The following ATP2B3 variants were observed in gnomAD, a reference collection of about 807,000 sequenced individuals.
The protein encoded by ATP2B3 is ATPase plasma membrane Ca2+ transporting 3, also known as plasma membrane calcium-transporting ATPase 3.
In ATP2B3, 12 loss-of-function variants were observed where a neutral mutation model predicts 70.8. That is an observed-to-expected ratio of 0.17 (90% CI 0.11 to 0.27). ATP2B3 has a LOEUF of 0.27. ATP2B3 is among the 10% of genes least tolerant of loss of function. The probability of loss-of-function intolerance (pLI) is 1.00; values close to 1 mark genes in which losing one functional copy is unlikely to be tolerated. For missense variants in ATP2B3, 858 were observed against 1,118.5 expected (o/e 0.77, Z 3.32); for synonymous variants, 460 against 497.8 (o/e 0.92, Z 1.01).
chrX:153,551,484 C>T (rs1476994659), intron 12 of ATP2B3, among the ~76,000 whole-genome samples: 3 of 111,901 alleles, frequency 2.7e-5, no homozygotes, highest in Non-Finnish European at 3.8e-5. Context: ...ATCAGCTATG[C>T]GATTTCTACA....
rs782317695 is a variant in ATP2B3, at chrX:153,535,526, T to C, written c.-126-596T>C. Among the ~76,000 whole-genome samples the C allele has an allele frequency of 6.9e-5, 7 of 100,895 alleles. No homozygotes were observed. In the South Asian group the frequency reaches 3.6e-3, roughly 52 times the overall value. 87.6% of individuals were successfully genotyped at this position (100,895 alleles called of 115,157 possible). ...CGTCTTGTCCCTCTCTCCCCTCCCC[T>C]GTTTCCCACCCTTCCTCCGGGCCTC... On this transcript the variant is annotated intron_variant, in intron 2 of 21. Coordinates refer to ENST00000263519, the MANE Select transcript of ATP2B3 (RefSeq NM_001001344.3).
At chrX:153,552,862 A>T (rs1603081581) in intron 12 of ATP2B3, among the ~76,000 whole-genome samples, 173 bp from the exon 13 acceptor site, 2 of 110,860 alleles carry the variant, frequency 1.8e-5, no homozygotes, top group Non-Finnish European at 3.8e-5. Context: ...ACCCTCTCTA[A>T]TCTCTGCCTG....
rs184005547 is a variant in ATP2B3, at chrX:153,542,488, G to A, written c.790+40G>A. On this transcript the variant is annotated intron_variant, in intron 6 of 21. Transcript: ENST00000263519. ...CCGGGCCAGCCTGGCACCAAGGGGC[G>A]TCAGCAGCCGTGTGGCCCAGCATCC... 650 of 1,196,736 alleles carry A rather than the reference G, an allele frequency of 5.4e-4. 1 individual carries two copies. The African/African-American group carries it at 9.1e-3, about 17-fold the overall frequency.
At chrX:153,538,366 T>C (rs1380661919) in intron 3 of ATP2B3, among the ~76,000 whole-genome samples, 1 of 112,948 alleles carries the variant, frequency 8.9e-6, no homozygotes, top group East Asian at 2.8e-4. Flanking sequence ...GCATAGTGCA[T>C]TGCGGGAAGG....
intron 1 of ATP2B3, among the ~76,000 whole-genome samples, 172 bp from the exon 2 acceptor site, chrX:153,518,260 C>T (rs1405235075): frequency 1.8e-5 from 2 of 112,658 alleles, no homozygotes; most frequent in Admixed American, 9.2e-5. Context: ...CCCGGAGCCT[C>T]GGGCACCCCC....
chrX:153,549,460 C>T (rs1557010336), intron 10 of ATP2B3, 37 bp from the exon 11 acceptor site: 2 of 1,208,307 alleles, frequency 1.7e-6, no homozygotes, highest in Non-Finnish European at 1.1e-6. Context: ...CCCCAACAAG[C>T]ACCTGGGCCA....
rs781921894 is a variant in ATP2B3, at chrX:153,536,277, G to A, written c.30G>A (p.Glu10=). 40 of 1,197,615 alleles carry A rather than the reference G, an allele frequency of 3.3e-5. No homozygotes were observed. The African/African-American group carries it at 5.7e-4, about 17-fold the overall frequency. Residue 10 remains glutamate, a synonymous_variant, in exon 3 of 22, where the codon GAG becomes GAA. Coordinates refer to ENST00000263519, the MANE Select transcript of ATP2B3 (RefSeq NM_001001344.3). ...GCGACATGGCCAATAGTTCCATCGA[G>A]TTCCACCCCAAGCCCCAGCAGCAGC... The part of the protein sequence containing the change: MGDMANSSI[E]FHPKPQQQRD...
Position 153,556,207 on chromosome X carries a change from G to T in ATP2B3, c.2217G>T (p.Arg739=), listed in dbSNP as rs2090532048. Residue 739 remains arginine, a synonymous_variant, in exon 14 of 22, where the codon CGG becomes CGT. Coordinates refer to ENST00000263519, the MANE Select transcript of ATP2B3 (RefSeq NM_001001344.3). ...LCLEGKEFNR[R]IRNEKGEIEQ... Reference sequence around the variant, plus strand: ...TAGAAGGGAAGGAGTTCAACCGGCGGATCCGCAATGAGAAAGGCGAGGTAG... The same window carrying T: ...TAGAAGGGAAGGAGTTCAACCGGCGTATCCGCAATGAGAAAGGCGAGGTAG... 8.3e-7 allele frequency: 1 copy of T among 1,209,475 alleles called. No homozygotes were observed. Among genetic ancestry groups the T allele is most frequent in the Non-Finnish European group, 1.1e-6 (1 of 893,812 alleles).
chrX:153,569,158 C>T (rs183846450), intron 21 of ATP2B3: 152 of 360,206 alleles, frequency 4.2e-4, no homozygotes, highest in African/African-American at 3.3e-3. Context: ...CTGGCGGAGA[C>T]GGGCAGGCGG....
At position 153,582,833 on chromosome X, in the gene ATP2B3, T is replaced by A. The variant is rs1223562372; in HGVS notation, c.*2535T>A. 1 of 112,877 alleles carries A rather than the reference T, an allele frequency of 8.9e-6. No homozygotes were observed. The highest frequency in any genetic ancestry group is 1.9e-5 in the Non-Finnish European group (1 of 53,307). The allele number at this position is 112,877 out of a possible 1,213,427, so 9.3% of individuals were successfully genotyped here. ...AAAACTTAATGAGAAAGATCACAGA[T>A]ACGTAATAATTTAAAGTCTGTAGTT... is the stretch of plus-strand genomic sequence containing the variant. On this transcript the variant is annotated 3_prime_UTR_variant, in exon 22 of 22. Coordinates refer to ENST00000263519, the MANE Select transcript of ATP2B3 (RefSeq NM_001001344.3).
chrX:153,569,432 A>G (rs2090756237), intron 21 of ATP2B3: 3 of 560,416 alleles, frequency 5.4e-6, no homozygotes, highest in Admixed American at 5.3e-5. Flanking sequence ...GGCTGGCCTC[A>G]GTCAGGGCCC....
chrX:153,556,018 T>C (rs1287266589), intron 13 of ATP2B3, 31 bp from the exon 14 acceptor site: 1 of 1,209,689 alleles, frequency 8.3e-7, no homozygotes, highest in Non-Finnish European at 1.1e-6. Flanking sequence ...CTTGCCTCGA[T>C]GGCCCCGCCC....
intron 21 of ATP2B3, chrX:153,569,542 C>T: frequency 8.5e-7 from 1 of 1,172,165 alleles, no homozygotes; most frequent in Non-Finnish European, 1.2e-6. Flanking sequence ...CCCAGCCCTC[C>T]CCTCCGTGAT....
chrX:153,522,278 C>T (rs996289344), intron 2 of ATP2B3, among the ~76,000 whole-genome samples: 2 of 112,535 alleles, frequency 1.8e-5, no homozygotes, highest in Admixed American at 9.3e-5. Context: ...TCAGGGGAGA[C>T]GACGGAAAGC....
At chrX:153,547,265 G>A (rs2090383027) in intron 8 of ATP2B3, among the ~76,000 whole-genome samples, 1 of 110,631 alleles carries the variant, frequency 9.0e-6, no homozygotes, top group African/African-American at 3.3e-5. Flanking sequence ...CCACCATGTC[G>A]AGGGCAGCAA....
rs1557009405 is a variant in ATP2B3 at position 153,547,894 on chromosome X, G to T, written c.1018G>T (p.Gly340Trp). The T allele has an allele frequency of 1.7e-6, 2 of 1,211,250 alleles. No homozygotes were observed. The highest frequency in any genetic ancestry group is 2.2e-6 in the Non-Finnish European group (2 of 895,047). ...GCAGCCCCTGAAGAGCGCGGAGGGT[G>T]GGGAGATGGAGGAGCGGGAGAAGAA... is the stretch of plus-strand genomic sequence containing the variant. The part of the protein sequence containing the change: ...EMQPLKSAEG[G>W]EMEEREKKKA... The change falls in exon 9 of 22, where the codon GGG becomes TGG. Residue 340 changes from glycine (G) to tryptophan (W), a missense_variant. Physicochemically the swap from Gly to Trp is radical, Grantham distance 184. Coordinates refer to ENST00000263519, the MANE Select transcript of ATP2B3 (RefSeq NM_001001344.3).
rs372612153 is a variant in ATP2B3 at position 153,565,014 on chromosome X, G to A, written c.3253G>A (p.Glu1085Lys). The stretch of plus-strand genomic sequence containing the variant: ...CGAGATGACCGACGAGGAGCTGGCC[G>A]AAGGCGAGGAAGAGATCGACCATGC... ...KDEMTDEELA[E>K]GEEEIDHAER... The change falls in exon 21 of 22, where the codon GAA becomes AAA. Residue 1085 changes from glutamate (E) to lysine (K), a missense_variant. By Grantham distance (56) the Glu-to-Lys change is moderately conservative. Transcript: ENST00000263519. The A allele has an allele frequency of 3.3e-6, 4 of 1,199,387 alleles. No homozygotes were observed. In the Admixed American group the frequency reaches 6.7e-5, roughly 20 times the overall value.
chrX:153,565,396 C>A (rs2090690404), intron 21 of ATP2B3, among the ~76,000 whole-genome samples: 2 of 113,121 alleles, frequency 1.8e-5, no homozygotes, highest in Non-Finnish European at 3.7e-5. Flanking sequence ...GAGGCACAGG[C>A]CAGCACCGTC....
At position 153,580,282 on chromosome X, in the gene ATP2B3, T is replaced by C; in HGVS notation, c.3647T>C (p.Val1216Ala). The change falls in exon 22 of 22, where the codon GTG (valine) becomes GCG (alanine). Residue 1216 changes from valine to alanine, a missense_variant. Physicochemically the swap from Val to Ala is moderately conservative, Grantham distance 64. Coordinates refer to ENST00000263519, the MANE Select transcript of ATP2B3 (RefSeq NM_001001344.3). ...SSSPGSPLHSVETSL is the reference protein window; with the variant it reads ...SSSPGSPLHSAETSL ...AGTCCCGGGAGCCCGCTCCACAGCG[T>C]GGAGACGTCCCTCTAACAAGAACTT... 8.3e-7 allele frequency: 1 copy of C among 1,205,763 alleles called. No individual in the cohort carries two copies. The highest frequency in any genetic ancestry group is 1.7e-5 in the African/African-American group (1 of 57,697).
Sources: gnomAD v4.1 joint callset for allele counts (sites outside exome capture counted in the v4.1 genomes callset) on GRCh38, gnomAD v4.1.1 for gene constraint, MANE v1.5 for transcripts, NCBI Gene and HGNC (gene_info 2026-07-23, HGNC 2026-07-21) for gene names.